Variants in TLE1 observed in about 807,000 individuals in gnomAD.
TLE1 encodes the protein transducin-like enhancer protein 1.
Under a neutral mutation model 89.8 loss-of-function variants are expected in TLE1, and 21 were observed. The observed-to-expected ratio is 0.23, with a 90% confidence interval of 0.17 to 0.34. The LOEUF is 0.34. TLE1 is among the 10% of genes least tolerant of loss of function. The pLI, the probability that TLE1 is intolerant of heterozygous loss-of-function variation, is 1.00. For missense variants in TLE1, 795 were observed against 1,031.2 expected (o/e 0.77, Z 3.14); for synonymous variants, 447 against 407.6 (o/e 1.10, Z -1.16).
intron 16 of TLE1, among the ~76,000 whole-genome samples, chr9:81,589,083 A>G (rs1829058215): frequency 6.6e-6 from 1 of 152,066 alleles, no homozygotes; most frequent in East Asian, 1.9e-4. Context: ...CTGGACCTCC[A>G]ATGTTTCCGC....
At chr9:81,686,793 C>A (rs1167055240) in intron 2 of TLE1, among the ~76,000 whole-genome samples, 2 of 152,178 alleles carry the variant, frequency 1.3e-5, no homozygotes, top group Non-Finnish European at 2.9e-5. Flanking sequence ...CCTACCCAAA[C>A]CAATCCGAAA....
chr9:81,669,500 T>C (rs565996001), intron 4 of TLE1, among the ~76,000 whole-genome samples: 3 of 152,330 alleles, frequency 2.0e-5, no homozygotes, highest in African/African-American at 7.2e-5. Flanking sequence ...CTGCAAGCAG[T>C]ACTGTAAAGT....
chr9:81,652,298 C>G lies in TLE1; in HGVS notation c.298-10G>C, dbSNP rs1371196128. On this transcript the variant is annotated splice_polypyrimidine_tract_variant and intron_variant, in intron 5 of 19. Coordinates refer to ENST00000376499, the MANE Select transcript of TLE1 (RefSeq NM_005077.5). ...CCACCTGTTGTTGATGCTTTGAAAA[C>G]AAGGAGAAGAAAGGGCATTAGCAAC... is the stretch of plus-strand genomic sequence containing the variant. The G allele has an allele frequency of 2.5e-6, 4 of 1,612,488 alleles. No homozygotes were observed. Among genetic ancestry groups the G allele is most frequent in the Non-Finnish European group, 3.4e-6 (4 of 1,179,168 alleles).
At chr9:81,642,292 A>C (rs767424843) in intron 6 of TLE1, among the ~76,000 whole-genome samples, 5 of 152,164 alleles carry the variant, frequency 3.3e-5, no homozygotes, top group Non-Finnish European at 7.4e-5. Flanking sequence ...GATTTTTTTC[A>C]GATTTTTAAA....
At chr9:81,655,019 A>C (rs1018036431) in intron 4 of TLE1, among the ~76,000 whole-genome samples, 4 of 152,286 alleles carry the variant, frequency 2.6e-5, no homozygotes, top group Admixed American at 6.5e-5. Flanking sequence ...CCCAGGGGTC[A>C]GCTGAACATA....
intron 14 of TLE1, among the ~76,000 whole-genome samples, chr9:81,608,892 G>C (rs1047073428): frequency 1.3e-5 from 2 of 150,954 alleles, no homozygotes; most frequent in Non-Finnish European, 2.9e-5. Flanking sequence ...AGCCGAGATC[G>C]CACCACTGCA....
Position 81,616,120 on chromosome 9 carries a change from C to G in TLE1, c.780G>C (p.Pro260=). Residue 260 remains proline (P), a synonymous_variant, in exon 11 of 20, where the codon CCG becomes CCC. Coordinates refer to ENST00000376499, the MANE Select transcript of TLE1 (RefSeq NM_005077.5). ...GGGGCGAGTGGGCAGGGCTTGCTCGCGGAGAAGAAGGGTCCTCAACAAGCA... is the reference window on the plus strand; with the variant it reads ...GGGGCGAGTGGGCAGGGCTTGCTCGGGGAGAAGAAGGGTCCTCAACAAGCA... ...VDVSNEDPSS[P]RASPAHSPRE... The G allele has an allele frequency of 6.2e-7, 1 of 1,612,342 alleles. No individual in the cohort carries two copies. Among genetic ancestry groups the G allele is most frequent in the African/African-American group, 1.3e-5 (1 of 74,856 alleles).
chr9:81,652,213 C>A lies in TLE1; in HGVS notation c.372+1G>T, dbSNP rs758956905. 1.2e-6 allele frequency: 2 copies of A among 1,613,662 alleles called. No individual in the cohort carries two copies. The highest frequency in any genetic ancestry group is 1.3e-5 in the African/African-American group (1 of 74,842). ...GGAGGTAGACCTGGTAGGCCACGTA[C>A]CCCGATGATGGCATTCAATTCTGCC... On this transcript the variant is annotated splice_donor_variant, in intron 6 of 19. Coordinates refer to ENST00000376499, the MANE Select transcript of TLE1 (RefSeq NM_005077.5). LOFTEE classifies it high-confidence loss of function.
At chr9:81,591,138 A>G in intron 15 of TLE1, 86 bp from the exon 16 acceptor site, 5 of 1,534,304 alleles carry the variant, frequency 3.3e-6, no homozygotes, top group Non-Finnish European at 4.4e-6. Context: ...TGGTTTTTTG[A>G]GTTAAGAGTG....
At position 81,593,008 on chromosome 9, in the gene TLE1, AGTTCCT is replaced by A. The variant is rs746198272; in HGVS notation, c.1581+11_1581+16del. 1 of 1,602,312 alleles carries A rather than the reference AGTTCCT, an allele frequency of 6.2e-7. No individual in the cohort carries two copies. Among genetic ancestry groups the A allele is most frequent in the South Asian group, 1.1e-5 (1 of 90,788 alleles). On this transcript the variant is annotated intron_variant, in intron 15 of 19. Coordinates refer to ENST00000376499, the MANE Select transcript of TLE1 (RefSeq NM_005077.5). The stretch of plus-strand genomic sequence containing the variant: ...CAGGGAGAAATTGCCCTTGTGCACC[AGTTCCT>A]GTTCACTCACCAGACAGTCGAGCTG...
chr9:81,675,120 A>C (rs1022501554), intron 4 of TLE1, among the ~76,000 whole-genome samples: 1 of 152,130 alleles, frequency 6.6e-6, no homozygotes, highest in Non-Finnish European at 1.5e-5. Flanking sequence ...AATTCCCCAT[A>C]TTATTAATTT....
intron 4 of TLE1, among the ~76,000 whole-genome samples, chr9:81,666,920 C>G (rs908520139): frequency 1.3e-5 from 2 of 152,152 alleles, no homozygotes; most frequent in Non-Finnish European, 2.9e-5. Context: ...GAGTTCAAGA[C>G]CAGCCTGGGC....
chr9:81,663,669 C>CTGGAG (rs1331091005), intron 4 of TLE1, among the ~76,000 whole-genome samples: 1 of 148,368 alleles, frequency 6.7e-6, no homozygotes, highest in East Asian at 2.0e-4. Context: ...GTCACCCAGG[C>CTGGAG]TGGAGTGCAG....
intron 8 of TLE1, chr9:81,620,791 C>T: frequency 1.5e-6 from 2 of 1,344,050 alleles, no homozygotes; most frequent in South Asian, 3.1e-5. Context: ...TTCTTCAGGC[C>T]TCCTTGGAAA....
chr9:81,664,516 A>G (rs577760293), intron 4 of TLE1, among the ~76,000 whole-genome samples: 1 of 152,296 alleles, frequency 6.6e-6, no homozygotes, highest in Admixed American at 6.5e-5. Context: ...TGTTTAAAAT[A>G]TAATTATGCC....
intron 6 of TLE1, among the ~76,000 whole-genome samples, chr9:81,646,330 A>T (rs1327979267): frequency 6.6e-6 from 1 of 152,170 alleles, no homozygotes; most frequent in Non-Finnish European, 1.5e-5. Flanking sequence ...CTTCTTTGCA[A>T]TATTGCTCTT....
At chr9:81,650,256 G>T (rs892273599) in intron 6 of TLE1, among the ~76,000 whole-genome samples, 1 of 152,192 alleles carries the variant, frequency 6.6e-6, no homozygotes, top group African/African-American at 2.4e-5. Context: ...TGGTTAATGC[G>T]ATTTCCTCCT....
chr9:81,606,005 C>A (rs1231782142), intron 14 of TLE1, among the ~76,000 whole-genome samples: 2 of 152,078 alleles, frequency 1.3e-5, no homozygotes, highest in Non-Finnish European at 2.9e-5. Flanking sequence ...ATGCAGCCAA[C>A]AGACACATGA....
chr9:81,660,934 A>AACACACACACACACACACAC (rs548190067), intron 4 of TLE1, among the ~76,000 whole-genome samples: 7 of 88,850 alleles, frequency 7.9e-5, no homozygotes, highest in African/African-American at 3.0e-4. Context: ...ATCCCTACTA[A>AACACACACACACACACACAC]ACACACACAC....
Sources: allele counts gnomAD v4.1 joint callset (sites outside exome capture counted in the v4.1 genomes callset), GRCh38; gene constraint gnomAD v4.1.1; transcripts MANE v1.5; gene names NCBI Gene and HGNC (gene_info 2026-07-23, HGNC 2026-07-21).